OGDHL: variants seen among roughly 807,000 people sequenced by gnomAD.
OGDHL encodes 2-oxoglutarate dehydrogenase-like, mitochondrial.
OGDHL carries 79 observed loss-of-function variants against 109.6 expected under a neutral mutation model. That is an observed-to-expected ratio of 0.72 (90% confidence interval 0.60 to 0.87). OGDHL has a LOEUF of 0.87. OGDHL is among the 40% of genes least tolerant of loss of function. The pLI, the probability that OGDHL is intolerant of heterozygous loss-of-function variation, is 0.00. For synonymous variants in OGDHL, 528 were observed against 537.2 expected, an observed-to-expected ratio of 0.98 and a Z score of 0.24; for missense variants, 1,275 against 1,362.2, an observed-to-expected ratio of 0.94 and a Z score of 1.01.
rs750024903 is a variant in OGDHL, at chr10:49,739,797, A to G, written c.2183T>C (p.Val728Ala). The G allele has an allele frequency of 3.7e-6, 6 of 1,613,980 alleles. No homozygotes were observed. In the Admixed American group the frequency reaches 1.0e-4, roughly 27 times the overall value. Reference sequence around the variant, plus strand: ...GTCCCCAAACTGGGCCTCCCAGAGGACCAGGGCATTGGGGCTGGCCATGGC... The same window carrying G: ...GTCCCCAAACTGGGCCTCCCAGAGGGCCAGGGCATTGGGGCTGGCCATGGC... ...GYAMASPNAL[V>A]LWEAQFGDFH... Residue 728 changes from valine to alanine, a missense_variant, in exon 17 of 23, where the codon GTC becomes GCC. Val to Ala is a moderately conservative substitution (Grantham distance 64). Transcript: ENST00000374103.
intron 3 of OGDHL, 68 bp from the exon 4 acceptor site, chr10:49,752,808 T>A: frequency 8.8e-7 from 1 of 1,130,868 alleles, no homozygotes; most frequent in Non-Finnish European, 1.3e-6. Context: ...AGGGTAAGGC[T>A]CTGGGCCCCA....
chr10:49,762,209 G>A (rs1396414016), intron 1 of OGDHL, 30 bp downstream of exon 1: 1 of 152,570 alleles, frequency 6.6e-6, no homozygotes, highest in Non-Finnish European at 1.5e-5. Context: ...GCGGCGCAGG[G>A]ACCGGGAGGG....
At chr10:49,752,561 C>A (rs574218293) in intron 4 of OGDHL, 77 bp downstream of exon 4, 9 of 1,221,420 alleles carry the variant, frequency 7.4e-6, no homozygotes, top group Non-Finnish European at 1.1e-5. Context: ...AAGGATCAGG[C>A]TGTCCCTAGT....
At chr10:49,753,064 A>G (rs142215551) in intron 3 of OGDHL, among the ~76,000 whole-genome samples, 302 of 151,976 alleles carry the variant, frequency 2.0e-3, no homozygotes, top group African/African-American at 6.6e-3. Flanking sequence ...AGACTGGCGC[A>G]TGGATATGGG....
rs1313938163 is a variant in OGDHL, at chr10:49,744,691, T to C, written c.1691A>G (p.Lys564Arg). 12 of 1,614,048 alleles carry C rather than the reference T, an allele frequency of 7.4e-6. No homozygotes were observed. The highest frequency in any genetic ancestry group is 1.0e-5 in the Non-Finnish European group (12 of 1,180,030). ...CAACCAGTGCTTTATATGCAGAATC[T>C]TTTTATCCTTGGACCTGCCATAAGC... Reference protein sequence around the residue: ...EEAYGRSKDKKILHIKHWLDS... With the variant: ...EEAYGRSKDKRILHIKHWLDS... Residue 564 changes from lysine to arginine, a missense_variant, in exon 13 of 23, where the codon AAG (lysine) becomes AGG (arginine). Coordinates refer to ENST00000374103, the MANE Select transcript of OGDHL (RefSeq NM_018245.3).
At chr10:49,755,242 TA>T (rs1467312258) in intron 3 of OGDHL, among the ~76,000 whole-genome samples, 1 of 151,806 alleles carries the variant, frequency 6.6e-6, no homozygotes, top group Non-Finnish European at 1.5e-5. Flanking sequence ...AAACTCCATC[TA>T]AAAAGAAAAA....
chr10:49,745,930 C>G lies in OGDHL; in HGVS notation c.1344G>C (p.Pro448=). Residue 448 remains proline (P), a synonymous_variant, in exon 11 of 23, where the codon CCG becomes CCC. Transcript: ENST00000374103. Reference sequence around the variant, plus strand: ...CATTGACCACCCGGGCCACGTCGGTCGGGTATGGTGAGGAGCGGGCCATTC... The same window carrying G: ...CATTGACCACCCGGGCCACGTCGGTGGGGTATGGTGAGGAGCGGGCCATTC... ...DPRMARSSPY[P]TDVARVVNAP... 6.2e-7 allele frequency: 1 copy of G among 1,614,168 alleles called. No individual in the cohort carries two copies. The highest frequency in any genetic ancestry group is 8.5e-7 in the Non-Finnish European group (1 of 1,180,030).
rs778855308 is a variant in OGDHL, at chr10:49,737,846, T to A, written c.2530A>T (p.Thr844Ser). ...GGGTGCCTCAGCAGAGATTTAGGTG[T>A]GAAGATAATCAGCTGGAAGGGAAAT... The part of the protein sequence containing the change: ...LPFRKPLIIF[T>S]PKSLLRHPEA... Residue 844 changes from threonine (T) to serine (S), a missense_variant, in exon 20 of 23, where the codon ACA (threonine) becomes TCA (serine). Thr to Ser is a moderately conservative substitution (Grantham distance 58). Transcript: ENST00000374103. 1.2e-6 allele frequency: 2 copies of A among 1,614,044 alleles called. No homozygotes were observed. Among genetic ancestry groups the A allele is most frequent in the Non-Finnish European group, 1.7e-6 (2 of 1,179,992 alleles).
intron 3 of OGDHL, 59 bp from the exon 4 acceptor site, chr10:49,752,799 G>A: frequency 8.0e-7 from 1 of 1,252,790 alleles, no homozygotes; most frequent in South Asian, 1.3e-5. Context: ...ACCTCCTCCA[G>A]GGTAAGGCTC....
At chr10:49,759,260 AG>A (rs369913331) in intron 1 of OGDHL, among the ~76,000 whole-genome samples, 73 of 151,864 alleles carry the variant, frequency 4.8e-4, no homozygotes, top group African/African-American at 1.7e-3. Context: ...GCCCAACAAT[AG>A]CCCCACTTCA....
intron 13 of OGDHL, among the ~76,000 whole-genome samples, chr10:49,744,342 C>A (rs1451149997): frequency 6.6e-6 from 1 of 152,172 alleles, no homozygotes; most frequent in Non-Finnish European, 1.5e-5. Flanking sequence ...GGTAACAGCT[C>A]TTCTAACCCT....
intron 3 of OGDHL, among the ~76,000 whole-genome samples, chr10:49,756,304 G>A (rs1183411628): frequency 6.6e-6 from 1 of 152,182 alleles, no homozygotes; most frequent in Non-Finnish European, 1.5e-5. Flanking sequence ...CCCAGCATGG[G>A]AGAGCCTAAG....
chr10:49,739,804 C>A lies in OGDHL; in HGVS notation c.2176G>T (p.Ala726Ser), dbSNP rs1207650433. Reference sequence around the variant, plus strand: ...AACTGGGCCTCCCAGAGGACCAGGGCATTGGGGCTGGCCATGGCATAGCCC... The same window carrying A: ...AACTGGGCCTCCCAGAGGACCAGGGAATTGGGGCTGGCCATGGCATAGCCC... Reference protein sequence around the residue: ...ELGYAMASPNALVLWEAQFGD... With the variant: ...ELGYAMASPNSLVLWEAQFGD... The change falls in exon 17 of 23, where the codon GCC becomes TCC. Residue 726 changes from alanine to serine, a missense_variant. Ala to Ser is a moderately conservative substitution (Grantham distance 99, BLOSUM62 1). Transcript: ENST00000374103. 2 of 1,614,010 alleles carry A rather than the reference C, an allele frequency of 1.2e-6. No individual in the cohort carries two copies. Among genetic ancestry groups the A allele is most frequent in the African/African-American group, 2.7e-5 (2 of 74,944 alleles).
intron 20 of OGDHL, among the ~76,000 whole-genome samples, chr10:49,737,432 C>CA (rs1168932844): frequency 2.6e-5 from 4 of 152,166 alleles, no homozygotes. Flanking sequence ...ACCAGGACCC[C>CA]AGGGCCTGTA....
intron 11 of OGDHL, 103 bp downstream of exon 11, chr10:49,745,695 A>G (rs1842128597): frequency 2.1e-6 from 3 of 1,410,526 alleles, no homozygotes; most frequent in African/African-American, 1.4e-5. Flanking sequence ...TCATCCAAGA[A>G]GCACTCCCAG....
chr10:49,751,031 G>A (rs1314261833), intron 6 of OGDHL, 46 bp from the exon 7 acceptor site: 2 of 1,527,404 alleles, frequency 1.3e-6, no homozygotes, highest in Admixed American at 3.8e-5. Flanking sequence ...GGGATGGAGA[G>A]GGAGGGGACT....
chr10:49,752,262 C>G lies in OGDHL; in HGVS notation c.479-14G>C. 6.2e-7 allele frequency: 1 copy of G among 1,603,922 alleles called. No homozygotes were observed. Among genetic ancestry groups the G allele is most frequent in the Non-Finnish European group, 8.5e-7 (1 of 1,171,748 alleles). ...GGTCATAGAAGGCTGGAGAAGGAGGCGTGGCCGAGCCCCGGGCAGCAAAGT... is the reference window on the plus strand; with the variant it reads ...GGTCATAGAAGGCTGGAGAAGGAGGGGTGGCCGAGCCCCGGGCAGCAAAGT... On this transcript the variant is annotated splice_polypyrimidine_tract_variant and intron_variant, in intron 4 of 22. Transcript: ENST00000374103.
In OGDHL at chr10:49,746,640, G is replaced by T. The variant is rs976901391; in HGVS notation, c.1296+110C>A. On this transcript the variant is annotated intron_variant, in intron 10 of 22. Transcript: ENST00000374103. ...AGAGCAGGGTCCTGCCTGGTAAGCA[G>T]CACAGCAGTGGGCTCAGAGCCAGGA... 4 of 1,409,638 alleles carry T rather than the reference G, an allele frequency of 2.8e-6. No homozygotes were observed. In the African/African-American group the frequency reaches 4.2e-5, roughly 15 times the overall value. The allele number at this position is 1,409,638 out of a possible 1,614,324, so 87.3% of individuals were successfully genotyped here.
rs1841593473 is a variant in OGDHL at position 49,740,798 on chromosome 10, G to A, written c.2052C>T (p.Arg684=). The part of the protein sequence containing the change: ...HHVLHDQEVD[R]RTCVPMNHLW... Reference sequence around the variant, plus strand: ...GATGATTCATAGGCACACACGTCCTGCGGTCAACCTCCTGGTCATGGAGAA... The same window carrying A: ...GATGATTCATAGGCACACACGTCCTACGGTCAACCTCCTGGTCATGGAGAA... Residue 684 remains arginine, a synonymous_variant, in exon 16 of 23, where the codon CGC becomes CGT. Coordinates refer to ENST00000374103, the MANE Select transcript of OGDHL (RefSeq NM_018245.3). 1 of 1,613,960 alleles carries A rather than the reference G, an allele frequency of 6.2e-7. No individual in the cohort carries two copies. The highest frequency in any genetic ancestry group is 8.5e-7 in the Non-Finnish European group (1 of 1,179,854).
Sources: allele counts gnomAD v4.1 joint callset (sites outside exome capture counted in the v4.1 genomes callset), GRCh38; gene constraint gnomAD v4.1.1; transcripts MANE v1.5; gene names NCBI Gene and HGNC (gene_info 2026-07-23, HGNC 2026-07-21).